Variants in SIL1 observed in about 807,000 individuals in gnomAD.
SIL1 encodes SIL1 nucleotide exchange factor.
Under a neutral mutation model 49.1 loss-of-function variants are expected in SIL1, and 40 were observed. The observed-to-expected ratio is 0.81, with a 90% CI of 0.63 to 1.06. The LOEUF is 1.06. Among genes scored for constraint, SIL1 ranks in the 50% least tolerant of loss-of-function variants. SIL1 has a pLI of 0.00. For missense variants in SIL1, 500 were observed against 572.6 expected (o/e 0.87, Z 1.29); for synonymous variants, 253 against 250.8 (o/e 1.01, Z -0.08).
chr5:138,966,511 G>A (rs931003100), intron 7 of SIL1, among the ~76,000 whole-genome samples: 1 of 152,118 alleles, frequency 6.6e-6, no homozygotes, highest in Non-Finnish European at 1.5e-5. Context: ...GCGGGTGTAG[G>A]GGGGTGGTGA....
intron 3 of SIL1, among the ~76,000 whole-genome samples, chr5:139,088,906 C>T (rs946319254): frequency 3.3e-5 from 5 of 152,196 alleles, no homozygotes; most frequent in African/African-American, 9.7e-5. Context: ...GCTTCCTCTG[C>T]CCGATCCTAC....
intron 7 of SIL1, among the ~76,000 whole-genome samples, chr5:139,009,883 G>C (rs2150418492): frequency 6.8e-6 from 1 of 146,712 alleles, no homozygotes; most frequent in Non-Finnish European, 1.5e-5. Context: ...TTTCTCTCTG[G>C]CTGCCCTTAA....
chr5:138,978,301 G>A (rs1280434044), intron 7 of SIL1, among the ~76,000 whole-genome samples: 3 of 151,124 alleles, frequency 2.0e-5, no homozygotes, highest in Non-Finnish European at 4.4e-5. Context: ...TCCAGTATGT[G>A]GTGCTTTGTG....
intron 7 of SIL1, among the ~76,000 whole-genome samples, chr5:139,005,253 AAAAT>A (rs1250672641): frequency 7.1e-6 from 1 of 141,182 alleles, no homozygotes; most frequent in African/African-American, 2.6e-5. Context: ...CAAGTAAAAA[AAAAT>A]TTTTTTTAAT....
At chr5:139,165,634 C>A (rs1305201262) in intron 1 of SIL1, among the ~76,000 whole-genome samples, 1 of 150,784 alleles carries the variant, frequency 6.6e-6, no homozygotes, top group Non-Finnish European at 1.5e-5. Flanking sequence ...ACAGGCCAAA[C>A]CAATGTCTGT....
intron 5 of SIL1, 128 bp from the exon 6 acceptor site, chr5:139,027,120 C>T: frequency 1.2e-6 from 1 of 861,230 alleles, no homozygotes; most frequent in Non-Finnish European, 1.9e-6. Flanking sequence ...CTCATCTATG[C>T]TATCAAAAAT....
At chr5:139,056,727 C>A (rs1282874753) in intron 3 of SIL1, among the ~76,000 whole-genome samples, 1 of 151,174 alleles carries the variant, frequency 6.6e-6, no homozygotes, top group Non-Finnish European at 1.5e-5. Context: ...CCAGCCGCCC[C>A]GCCCGGGAGG....
chr5:139,182,942 G>A (rs1226432577), intron 1 of SIL1, among the ~76,000 whole-genome samples: 1 of 152,224 alleles, frequency 6.6e-6, no homozygotes, highest in Non-Finnish European at 1.5e-5. Flanking sequence ...CTCTCCTACA[G>A]AGGAGAGATG....
intron 7 of SIL1, among the ~76,000 whole-genome samples, chr5:138,956,893 G>A (rs1356391081): frequency 6.6e-6 from 1 of 152,052 alleles, no homozygotes; most frequent in Non-Finnish European, 1.5e-5. Flanking sequence ...AAACACATGA[G>A]CTGCACATCA....
At chr5:138,955,634 A>T (rs1766885811) in intron 7 of SIL1, among the ~76,000 whole-genome samples, 1 of 152,254 alleles carries the variant, frequency 6.6e-6, no homozygotes, top group South Asian at 2.1e-4. Context: ...ATTGCTGCCC[A>T]GCACACACCC....
At chr5:139,027,938 T>A (rs1768697638) in intron 5 of SIL1, among the ~76,000 whole-genome samples, 1 of 152,120 alleles carries the variant, frequency 6.6e-6, no homozygotes, top group Non-Finnish European at 1.5e-5. Context: ...TGAATCAGCC[T>A]CTCTTAAAAA....
At chr5:139,024,329 A>C (rs1054117284) in intron 6 of SIL1, among the ~76,000 whole-genome samples, 1 of 152,178 alleles carries the variant, frequency 6.6e-6, no homozygotes, top group African/African-American at 2.4e-5. Context: ...GTAAGACTGG[A>C]AAGGGGAAAG....
chr5:139,148,091 A>G (rs1468931636), intron 1 of SIL1, among the ~76,000 whole-genome samples: 1 of 150,544 alleles, frequency 6.6e-6, no homozygotes, highest in Non-Finnish European at 1.5e-5. Context: ...ACCAGACTAC[A>G]ATTTATTTTT....
At chr5:138,949,948 A>G (rs553038672) in intron 9 of SIL1, among the ~76,000 whole-genome samples, 5 of 152,308 alleles carry the variant, frequency 3.3e-5, no homozygotes, top group South Asian at 4.1e-4. Flanking sequence ...CTGAAAGAAG[A>G]GGGCCATTTC....
Position 139,140,552 on chromosome 5 carries a change from T to C in SIL1, c.-10-12699A>G, listed in dbSNP as rs995103844. 2.6e-5 allele frequency among the ~76,000 whole-genome samples: 4 copies of C among 152,266 alleles called. No homozygotes were observed. In the East Asian group the frequency reaches 7.7e-4, roughly 29 times the overall value. On this transcript the variant is annotated intron_variant, in intron 1 of 9. Transcript: ENST00000394817. The stretch of plus-strand genomic sequence containing the variant: ...GATCCTTAAAAACTTGAAAGGGAGA[T>C]GAATTTTAAAATGTACACATTTACA...
chr5:138,993,812 C>A (rs1767806698), intron 7 of SIL1, among the ~76,000 whole-genome samples: 1 of 152,194 alleles, frequency 6.6e-6, no homozygotes, highest in Admixed American at 6.5e-5. Flanking sequence ...CCATATTAGA[C>A]CCTAGCTCCA....
At chr5:139,113,260 C>G (rs1687760214) in intron 3 of SIL1, among the ~76,000 whole-genome samples, 1 of 151,660 alleles carries the variant, frequency 6.6e-6, no homozygotes, top group South Asian at 2.1e-4. Context: ...CCTGCCAAAT[C>G]CCCCTCTGCG....
chr5:138,962,836 G>A (rs556508348), intron 7 of SIL1, among the ~76,000 whole-genome samples: 2 of 152,322 alleles, frequency 1.3e-5, no homozygotes, highest in African/African-American at 4.8e-5. Flanking sequence ...GAGATTGGGA[G>A]GAAGGATCAA....
At chr5:139,081,253 ATTTT>A (rs1468543262) in intron 3 of SIL1, among the ~76,000 whole-genome samples, 1 of 152,082 alleles carries the variant, frequency 6.6e-6, no homozygotes, top group Non-Finnish European at 1.5e-5. Context: ...TGCAATATAA[ATTTT>A]TTTATTTATT....
Sources: allele counts gnomAD v4.1 joint callset (sites outside exome capture counted in the v4.1 genomes callset), GRCh38; gene constraint gnomAD v4.1.1; transcripts MANE v1.5; gene names NCBI Gene and HGNC (gene_info 2026-07-23, HGNC 2026-07-21).